BLTP3B: variants seen among roughly 807,000 people sequenced by gnomAD.
BLTP3B encodes the protein bridge-like lipid transfer protein family member 3B.
the BLTP3B span, among the ~76,000 whole-genome samples, chr12:100,103,059 T>A: frequency 2.6e-5 from 4 of 152,070 alleles, no homozygotes; most frequent in African/African-American, 9.7e-5. Flanking sequence ...CTCAAGGCAT[T>A]TATTATCTGG....
the BLTP3B span, among the ~76,000 whole-genome samples, chr12:100,119,889 C>CA: frequency 6.6e-6 from 1 of 151,968 alleles, no homozygotes; most frequent in Admixed American, 6.6e-5. Context: ...TTTAACGCAA[C>CA]AAAAAATGCA....
chr12:100,105,420 T>C, the BLTP3B span, among the ~76,000 whole-genome samples: 2 of 151,892 alleles, frequency 1.3e-5, no homozygotes, highest in Admixed American at 6.6e-5. Flanking sequence ...TGACAAAGCA[T>C]ACAAAAACAC....
At chr12:100,063,746 C>T in the BLTP3B span, among the ~76,000 whole-genome samples, 1 of 151,478 alleles carries the variant, frequency 6.6e-6, no homozygotes, top group East Asian at 1.9e-4. Context: ...GGGAGAATAC[C>T]ACTCCGAGGG....
chr12:100,142,836 G>A, the BLTP3B span: 1 of 683,332 alleles, frequency 1.5e-6, no homozygotes, highest in Non-Finnish European at 2.3e-6. Context: ...CACGGCCGCC[G>A]CGGGCGCCAT....
chr12:100,103,151 T>G, the BLTP3B span, among the ~76,000 whole-genome samples: 1 of 152,240 alleles, frequency 6.6e-6, no homozygotes, highest in African/African-American at 2.4e-5. Flanking sequence ...TCAGATTTCA[T>G]GAAAACAGAA....
chr12:100,098,913 T>TATAG, the BLTP3B span, among the ~76,000 whole-genome samples: 3 of 111,130 alleles, frequency 2.7e-5, no homozygotes, highest in African/African-American at 5.7e-5. Flanking sequence ...TGTCTAAAAA[T>TATAG]ATAGACAGAT....
the BLTP3B span, chr12:100,037,632 C>G: frequency 1.9e-6 from 3 of 1,607,656 alleles, no homozygotes; most frequent in South Asian, 3.3e-5. Flanking sequence ...GACTGCCACT[C>G]CTGCTATTCA....
the BLTP3B span, chr12:100,082,998 T>G: frequency 4.4e-5 from 69 of 1,583,556 alleles, no homozygotes; most frequent in African/African-American, 9.0e-4. Context: ...GAAAACTTAA[T>G]TGGAAAAGAA....
chr12:100,103,137 A>G, the BLTP3B span, among the ~76,000 whole-genome samples: 1 of 152,160 alleles, frequency 6.6e-6, no homozygotes, highest in African/African-American at 2.4e-5. Context: ...AACTACTAAA[A>G]TCATCAGATT....
the BLTP3B span, among the ~76,000 whole-genome samples, chr12:100,098,128 G>A: frequency 1.3e-5 from 2 of 151,930 alleles, no homozygotes; most frequent in African/African-American, 2.4e-5. Context: ...GAGGTGGGAG[G>A]ATCACCTGAG....
chr12:100,124,963 TATATATA>T, the BLTP3B span, among the ~76,000 whole-genome samples: 1 of 117,146 alleles, frequency 8.5e-6, no homozygotes, highest in Admixed American at 9.2e-5. Flanking sequence ...TATATATATA[TATATATA>T]TATATATATT....
chr12:100,058,658 G>T, the BLTP3B span: 1 of 1,613,960 alleles, frequency 6.2e-7, no homozygotes, highest in Non-Finnish European at 8.5e-7. Context: ...CCACTGGATG[G>T]AGCAAAAGAG....
the BLTP3B span, chr12:100,050,284 T>A: frequency 6.2e-7 from 1 of 1,610,126 alleles, no homozygotes; most frequent in Admixed American, 1.7e-5. Context: ...AATTTCCCCA[T>A]TAACACCAGT....
At chr12:100,108,284 C>G in the BLTP3B span, 242,970 of 1,246,980 alleles carry the variant, frequency 0.19, 30,028 homozygotes, top group African/African-American at 0.59. Flanking sequence ...TGTTTTTACA[C>G]AATTATCTAA....
the BLTP3B span, among the ~76,000 whole-genome samples, chr12:100,115,418 A>G: frequency 8.9e-4 from 136 of 152,318 alleles, no homozygotes; most frequent in African/African-American, 3.0e-3. Context: ...AAAATAAAAT[A>G]GTGATCATAA....
chr12:100,107,242 G>A, the BLTP3B span, among the ~76,000 whole-genome samples: 6 of 143,004 alleles, frequency 4.2e-5, no homozygotes, highest in South Asian at 2.3e-4. Flanking sequence ...GAGCCAAGAC[G>A]GTGCCACTGC....
chr12:100,051,011 T>C, the BLTP3B span: 23 of 1,580,806 alleles, frequency 1.5e-5, no homozygotes, highest in African/African-American at 2.3e-4. Context: ...TCAAAATATA[T>C]ACATGTCAAA....
chr12:100,051,429 TAA>T, the BLTP3B span: 3 of 418,136 alleles, frequency 7.2e-6, no homozygotes, highest in African/African-American at 2.1e-5. Context: ...CTATCTGTGG[TAA>T]AAGACAATTT....
the BLTP3B span, among the ~76,000 whole-genome samples, chr12:100,066,115 C>G: frequency 1.3e-5 from 2 of 152,148 alleles, no homozygotes; most frequent in Admixed American, 1.3e-4. Context: ...CACCAACCAT[C>G]TGCTGCCTTC....
Sources: allele counts gnomAD v4.1 joint callset (sites outside exome capture counted in the v4.1 genomes callset), GRCh38; gene constraint gnomAD v4.1.1; transcripts MANE v1.5; gene names NCBI Gene and HGNC (gene_info 2026-07-23, HGNC 2026-07-21).